DPF3: variants seen among roughly 807,000 people sequenced by gnomAD.
DPF3 encodes the protein double PHD fingers 3, also known as zinc finger protein DPF3.
Under a neutral mutation model 56.8 loss-of-function variants are expected in DPF3, and 18 were observed. The ratio of observed to expected loss-of-function variants is 0.32; its 90% CI spans 0.22 to 0.47. DPF3 has a LOEUF of 0.47. Ranked by LOEUF, DPF3 falls within the 20% of genes least tolerant of loss-of-function variation. DPF3 has a pLI of 1.00. For synonymous variants in DPF3, 188 were observed against 180.2 expected (o/e 1.04, Z -0.35); for missense variants, 403 against 488.8 (o/e 0.82, Z 1.65).
intron 1 of DPF3, chr14:72,892,648 A>C: frequency 9.2e-7 from 1 of 1,089,948 alleles, no homozygotes; most frequent in Non-Finnish European, 1.1e-6. Context: ...GAAGACGAGA[A>C]TGCGCTGAAT....
At chr14:72,672,052 CACACACAG>C (rs1273802835) in intron 8 of DPF3, among the ~76,000 whole-genome samples, 47 of 119,134 alleles carry the variant, frequency 3.9e-4, no homozygotes, top group African/African-American at 1.3e-3. Context: ...CACACACACA[CACACACAG>C]ACACACACAC....
chr14:72,649,452 G>C (rs773569078), intron 8 of DPF3, among the ~76,000 whole-genome samples: 4 of 152,066 alleles, frequency 2.6e-5, no homozygotes, highest in African/African-American at 9.7e-5. Context: ...AGAAGAGTGA[G>C]GACAGAGAGA....
At chr14:72,745,815 T>G (rs1247828072) in intron 3 of DPF3, among the ~76,000 whole-genome samples, 1 of 152,176 alleles carries the variant, frequency 6.6e-6, no homozygotes, top group Non-Finnish European at 1.5e-5. Flanking sequence ...GAGCTCTCCT[T>G]GAGCCCAAAT....
intron 1 of DPF3, among the ~76,000 whole-genome samples, chr14:72,863,108 G>GTA (rs1885512363): frequency 7.4e-6 from 1 of 134,294 alleles, no homozygotes; most frequent in South Asian, 2.6e-4. Context: ...ATATGTGTGT[G>GTA]TATACATATA....
chr14:72,743,071 C>T (rs933835718), intron 3 of DPF3, among the ~76,000 whole-genome samples: 3 of 152,128 alleles, frequency 2.0e-5, no homozygotes, highest in Admixed American at 6.5e-5. Flanking sequence ...GGGATGGGGG[C>T]GATCATCCTG....
chr14:72,811,460 C>T (rs577637616), intron 1 of DPF3, among the ~76,000 whole-genome samples: 4 of 152,284 alleles, frequency 2.6e-5, no homozygotes, highest in African/African-American at 7.2e-5. Flanking sequence ...TCAGAAGGAA[C>T]CAACCTTGCC....
chr14:72,893,737 C>A (rs879905258), intron 1 of DPF3, among the ~76,000 whole-genome samples: 12 of 151,842 alleles, frequency 7.9e-5, no homozygotes, highest in Non-Finnish European at 1.3e-4. Flanking sequence ...CCGCGCCGTC[C>A]CCGAGCTCCC....
intron 1 of DPF3, among the ~76,000 whole-genome samples, chr14:72,858,135 T>C (rs1414683224): frequency 1.3e-5 from 2 of 151,694 alleles, no homozygotes; most frequent in Non-Finnish European, 2.9e-5. Flanking sequence ...CGAAACCCCA[T>C]CTCTACCAAA....
intron 3 of DPF3, among the ~76,000 whole-genome samples, chr14:72,743,630 A>G (rs1890217352): frequency 1.3e-5 from 2 of 151,588 alleles, no homozygotes; most frequent in South Asian, 2.1e-4. Flanking sequence ...AAAGAAAAAG[A>G]AAGAAAGTGA....
intron 3 of DPF3, among the ~76,000 whole-genome samples, chr14:72,743,000 C>T (rs1890189862): frequency 6.6e-6 from 1 of 152,156 alleles, no homozygotes; most frequent in Non-Finnish European, 1.5e-5. Flanking sequence ...CTTTGGGACA[C>T]CTTAAGCCAC....
intron 1 of DPF3, among the ~76,000 whole-genome samples, chr14:72,788,634 G>T (rs1339179085): frequency 6.6e-6 from 1 of 152,010 alleles, no homozygotes; most frequent in Non-Finnish European, 1.5e-5. Flanking sequence ...CATCCACACT[G>T]CCCTCCCCCT....
chr14:72,891,298 C>T (rs1263821433), intron 1 of DPF3, among the ~76,000 whole-genome samples: 1 of 137,296 alleles, frequency 7.3e-6, no homozygotes, highest in Non-Finnish European at 1.5e-5. Context: ...CTGTAGGAGA[C>T]GTCCGTGGTG....
intron 8 of DPF3, chr14:72,670,070 T>C (rs903675980): frequency 2.0e-6 from 2 of 985,782 alleles, no homozygotes; most frequent in East Asian, 1.1e-4. Flanking sequence ...GAAGTGCTAT[T>C]GGAAACATAA....
chr14:72,780,456 G>A (rs1949631984), intron 1 of DPF3, among the ~76,000 whole-genome samples: 2 of 152,210 alleles, frequency 1.3e-5, no homozygotes, highest in Admixed American at 6.5e-5. Context: ...TGGGAATGTA[G>A]AAGCATGTGA....
chr14:72,629,850 ACGTAGGG>A, intron 8 of DPF3, 114 bp from the exon 9 acceptor site: 1 of 867,788 alleles, frequency 1.2e-6, no homozygotes, highest in Admixed American at 2.2e-5. Context: ...GGGTAGCATG[ACGTAGGG>A]AAAAAAATGG....
At chr14:72,841,629 C>T (rs751617210) in intron 1 of DPF3, among the ~76,000 whole-genome samples, 1 of 152,078 alleles carries the variant, frequency 6.6e-6, no homozygotes, top group East Asian at 1.9e-4. Context: ...ATTTCCATTT[C>T]GAGTAGCAGT....
chr14:72,653,095 C>CAATG (rs1452047215), intron 8 of DPF3, among the ~76,000 whole-genome samples: 1 of 152,222 alleles, frequency 6.6e-6, no homozygotes, highest in Non-Finnish European at 1.5e-5. Context: ...GAGTAACATG[C>CAATG]AATGGCACAT....
At chr14:72,857,347 AG>A (rs1392332323) in intron 1 of DPF3, among the ~76,000 whole-genome samples, 1 of 152,224 alleles carries the variant, frequency 6.6e-6, no homozygotes, top group Non-Finnish European at 1.5e-5. Context: ...CTTATTAAAA[AG>A]CTTGTTAAAA....
In DPF3 at chr14:72,731,905, A is replaced by T; in HGVS notation, c.331T>A (p.Phe111Ile). The T allele has an allele frequency of 6.3e-7, 1 of 1,598,874 alleles. No homozygotes were observed. The highest frequency in any genetic ancestry group is 8.5e-7 in the Non-Finnish European group (1 of 1,172,712). ...TCCAGCGTGGTGCTCTCTGAGGTGA[A>T]CCCATCCTTCTTCAGGGGAAGCTCC... is the stretch of plus-strand genomic sequence containing the variant. ...EVELPLKKDGFTSESTTLEAL... is the reference protein window; with the variant it reads ...EVELPLKKDGITSESTTLEAL... The change falls in exon 4 of 11, where the codon TTC becomes ATC. Residue 111 changes from phenylalanine (F) to isoleucine (I), a missense_variant. Around this residue, in one of 2 missense-constraint regions of DPF3, gnomAD observed 340 missense variants for 374.3 expected, o/e 0.91. Coordinates refer to ENST00000556509, the MANE Select transcript of DPF3 (RefSeq NM_001280542.3).
Sources: allele counts gnomAD v4.1 joint callset (sites outside exome capture counted in the v4.1 genomes callset), GRCh38; gene constraint gnomAD v4.1.1; regional missense constraint gnomAD v4.1.1; transcripts MANE v1.5; gene names NCBI Gene and HGNC (gene_info 2026-07-23, HGNC 2026-07-21).